The following DDX23 variants were observed in gnomAD, a reference collection of about 807,000 sequenced individuals.
DDX23 encodes the protein DEAD-box helicase 23, also known as probable ATP-dependent RNA helicase DDX23.
DDX23 carries 33 observed loss-of-function variants against 102.7 expected under a neutral mutation model. The observed-to-expected ratio is 0.32, with a 90% CI of 0.24 to 0.43. The LOEUF (loss-of-function observed/expected upper bound fraction) is 0.43. Among genes scored for constraint, DDX23 ranks in the 20% least tolerant of loss-of-function variants. The pLI is 1.00. For synonymous variants in DDX23, 352 were observed against 376.0 expected (o/e 0.94, Z 0.74); for missense variants, 549 against 1,086.6 (o/e 0.51, Z 6.96).
At chr12:48,844,127 T>C (rs766963618) in intron 2 of DDX23, 77 bp from the exon 3 acceptor site, 5 of 1,308,142 alleles carry the variant, frequency 3.8e-6, no homozygotes, top group East Asian at 2.3e-5. Flanking sequence ...AGAAAGTTCC[T>C]ATACTCTCGT....
chr12:48,842,079 G>A (rs1196430943), intron 3 of DDX23, among the ~76,000 whole-genome samples: 2 of 150,996 alleles, frequency 1.3e-5, no homozygotes, highest in East Asian at 2.0e-4. Flanking sequence ...CAGCCACATC[G>A]TCTGAGAAGT....
chr12:48,832,079 C>T lies in DDX23; in HGVS notation c.2063G>A (p.Gly688Glu). The change falls in exon 15 of 17, where the codon GGG becomes GAG. Residue 688 changes from glycine to glutamate, a missense_variant and splice_region_variant. By Grantham distance (98) the Gly-to-Glu change is moderately conservative (BLOSUM62 -2). Around this residue, in one of 4 missense-constraint regions of DDX23, gnomAD observed 270 missense variants for 707.0 expected, o/e 0.38. Transcript: ENST00000308025. The surrounding 1 kb of genome is among the most constrained non-coding windows in gnomAD (Gnocchi z 4.4). ...DVLAKSLEKM[G>E]YNACTLHGGK... ...TTTGTTCTCCCCTGCCAGACACACC[C>T]CCATCTTCTCCAGGGATTTGGCCAA... The T allele has an allele frequency of 6.2e-7, 1 of 1,613,932 alleles. No individual in the cohort carries two copies. Among genetic ancestry groups the T allele is most frequent in the Non-Finnish European group, 8.5e-7 (1 of 1,179,954 alleles).
At chr12:48,845,456 C>A (rs1011046722) in intron 2 of DDX23, 118 bp downstream of exon 2, 11 of 1,189,364 alleles carry the variant, frequency 9.2e-6, no homozygotes, top group Non-Finnish European at 1.3e-5. Flanking sequence ...GAGACTCTGT[C>A]TCAAAAAATA....
At chr12:48,845,865 A>G in intron 1 of DDX23, 83 bp from the exon 2 acceptor site, 1 of 1,383,614 alleles carries the variant, frequency 7.2e-7, no homozygotes, top group Non-Finnish European at 1.0e-6. Context: ...CCTCAAAACA[A>G]CCCTATGAGG....
intron 15 of DDX23, chr12:48,831,777 T>C (rs1938391444): frequency 2.1e-6 from 1 of 481,788 alleles, no homozygotes. Context: ...AGTTTTCACC[T>C]ACTCTTTTCT....
chr12:48,835,997 T>C, intron 11 of DDX23, 124 bp downstream of exon 11: 2 of 1,137,864 alleles, frequency 1.8e-6, no homozygotes, highest in Non-Finnish European at 2.5e-6. Context: ...TTCCCTAATA[T>C]CCAACAAAGA....
At position 48,832,768 on chromosome 12, in the gene DDX23, T is replaced by C; in HGVS notation, c.1804-195A>G. 1.5e-6 allele frequency: 1 copy of C among 663,776 alleles called. No homozygotes were observed. The highest frequency in any genetic ancestry group is 2.5e-6 in the Non-Finnish European group (1 of 405,196). The allele number at this position is 663,776 out of a possible 1,614,324, so 41.1% of individuals were successfully genotyped here. On this transcript the variant is annotated intron_variant, in intron 13 of 16. Coordinates refer to ENST00000308025, the MANE Select transcript of DDX23 (RefSeq NM_004818.3). This position sits in a 1 kb window ranked among gnomAD's most constrained non-coding sequence, Gnocchi z 4.4. The stretch of plus-strand genomic sequence containing the variant: ...TACCTGCTCATCAAGGCACTTTCCA[T>C]CTTATGATGACAGGAAGGATTGAGA...
chr12:48,831,662 AGT>A (rs1166752964), intron 15 of DDX23, among the ~76,000 whole-genome samples: 8 of 152,188 alleles, frequency 5.3e-5, no homozygotes, highest in African/African-American at 1.9e-4. Context: ...TGGAGAGCTG[AGT>A]GACAGGGACA....
At chr12:48,841,524 C>T (rs2934997) in intron 3 of DDX23, among the ~76,000 whole-genome samples, 64,541 of 152,068 alleles carry the variant, frequency 0.42, 13,917 homozygotes, top group East Asian at 0.59. Flanking sequence ...AAAGCTGGAC[C>T]GTACTGCTGC....
chr12:48,843,493 G>A (rs1025963536), intron 3 of DDX23, among the ~76,000 whole-genome samples: 1 of 148,902 alleles, frequency 6.7e-6, no homozygotes, highest in South Asian at 2.1e-4. Flanking sequence ...AAGAAAGAGA[G>A]CTCTGTAATA....
intron 3 of DDX23, among the ~76,000 whole-genome samples, chr12:48,840,397 G>A (rs1197357375): frequency 5.9e-5 from 9 of 152,142 alleles, no homozygotes; most frequent in African/African-American, 2.2e-4. Flanking sequence ...TAGGCCAGGC[G>A]CGGTGTCTCA....
chr12:48,842,690 C>T (rs1272924760), intron 3 of DDX23, among the ~76,000 whole-genome samples: 1 of 143,790 alleles, frequency 7.0e-6, no homozygotes, highest in Admixed American at 6.8e-5. Context: ...GTCAGCCCCC[C>T]GCCCGGCCAG....
Position 48,836,034 on chromosome 12 carries a change from A to C in DDX23, c.1382+87T>G. 2 of 1,420,532 alleles carry C rather than the reference A, an allele frequency of 1.4e-6. No homozygotes were observed. Among genetic ancestry groups the C allele is most frequent in the Non-Finnish European group, 2.0e-6 (2 of 1,020,760 alleles). 88.0% of individuals were successfully genotyped at this position (1,420,532 alleles called of 1,614,324 possible). ...TAAAGAAGAAAGCTTCTGATTATAGACGTAAAACAAAAATCAAACATTCAT... is the reference window on the plus strand; with the variant it reads ...TAAAGAAGAAAGCTTCTGATTATAGCCGTAAAACAAAAATCAAACATTCAT... On this transcript the variant is annotated intron_variant, in intron 11 of 16. Coordinates refer to ENST00000308025, the MANE Select transcript of DDX23 (RefSeq NM_004818.3). The surrounding 1 kb of genome is among the most constrained non-coding windows in gnomAD (Gnocchi z 6.1).
intron 12 of DDX23, 91 bp from the exon 13 acceptor site, chr12:48,833,610 C>T: frequency 2.0e-6 from 3 of 1,495,620 alleles, no homozygotes; most frequent in South Asian, 1.3e-5. Context: ...GACAGACCTC[C>T]AATGCTGAGG....
Position 48,844,362 on chromosome 12 carries a change from T to C in DDX23, c.210-312A>G, listed in dbSNP as rs186130174. Among the ~76,000 whole-genome samples the C allele has an allele frequency of 4.8e-3, 727 of 152,138 alleles. 4 individuals are homozygous for C. The highest frequency in any genetic ancestry group is 7.9e-3 in the Non-Finnish European group (535 of 68,010). On this transcript the variant is annotated intron_variant, in intron 2 of 16. Coordinates refer to ENST00000308025, the MANE Select transcript of DDX23 (RefSeq NM_004818.3). The stretch of plus-strand genomic sequence containing the variant: ...GGTGTGATCTCGGCTCACTGCAGCC[T>C]CTGCCTCCCGAGTTCAAGGAATTGT...
chr12:48,850,215 T>A (rs569371553), intron 1 of DDX23, among the ~76,000 whole-genome samples: 1 of 152,134 alleles, frequency 6.6e-6, no homozygotes, highest in East Asian at 1.9e-4. Flanking sequence ...TGGAAAGAAG[T>A]AGGCAGCGTC....
intron 12 of DDX23, 143 bp downstream of exon 12, chr12:48,834,177 G>T: frequency 3.0e-6 from 2 of 666,630 alleles, no homozygotes. Context: ...ATAAACCCTG[G>T]TGCATAAGTT....
In DDX23 at chr12:48,836,437, G is replaced by C; in HGVS notation, c.1236+132C>G. 3 of 1,237,432 alleles carry C rather than the reference G, an allele frequency of 2.4e-6. No homozygotes were observed. Among genetic ancestry groups the C allele is most frequent in the East Asian group, 2.3e-5 (1 of 42,744 alleles). 76.7% of individuals were successfully genotyped at this position (1,237,432 alleles called of 1,614,324 possible). A position where few individuals can be genotyped will look rare whatever the true frequency, so the allele number is the denominator to read the frequency against. ...TCACTAAAAGCCAACACTTCTACCA[G>C]AAAGTGACAGAAAAGGTCACATTGG... On this transcript the variant is annotated intron_variant, in intron 10 of 16. Transcript: ENST00000308025. The surrounding 1 kb of genome is among the most constrained non-coding windows in gnomAD (Gnocchi z 6.1).
In DDX23 at chr12:48,832,817, C is replaced by T. The variant is rs376655879; in HGVS notation, c.1804-244G>A. The stretch of plus-strand genomic sequence containing the variant: ...GAGCATTTGCTAGCACCTGTGGTCC[C>T]GGTAGCAGCATGAGTCTTTGGAATC... On this transcript the variant is annotated intron_variant, in intron 13 of 16. Coordinates refer to ENST00000308025, the MANE Select transcript of DDX23 (RefSeq NM_004818.3). The surrounding 1 kb of genome is among the most constrained non-coding windows in gnomAD (Gnocchi z 4.4). 2.7e-5 allele frequency: 15 copies of T among 547,342 alleles called. No individual in the cohort carries two copies. The highest frequency in any genetic ancestry group is 1.6e-4 in the East Asian group (5 of 31,586). The allele number at this position is 547,342 out of a possible 1,614,324, so 33.9% of individuals were successfully genotyped here.
Sources: allele counts gnomAD v4.1 joint callset (sites outside exome capture counted in the v4.1 genomes callset), GRCh38; gene constraint gnomAD v4.1.1; regional missense constraint gnomAD v4.1.1; non-coding constraint Gnocchi (gnomAD v3.1); transcripts MANE v1.5; gene names NCBI Gene and HGNC (gene_info 2026-07-23, HGNC 2026-07-21).